CLIC5: variants seen among roughly 807,000 people sequenced by gnomAD.
The protein encoded by CLIC5 is chloride intracellular channel protein 5.
Under a neutral mutation model 24.7 loss-of-function variants are expected in CLIC5, and 20 were observed. The observed-to-expected ratio is 0.81, with a 90% confidence interval of 0.57 to 1.18. The LOEUF (loss-of-function observed/expected upper bound fraction) is 1.18. CLIC5 is among the 50% of genes most tolerant of loss of function. The pLI, the probability that CLIC5 is intolerant of heterozygous loss-of-function variation, is 0.00. For synonymous variants in CLIC5, 159 were observed against 135.6 expected, an observed-to-expected ratio of 1.17 and a Z score of -1.20; for missense variants, 341 against 326.1, an observed-to-expected ratio of 1.05 and a Z score of -0.35.
the CLIC5 span, among the ~76,000 whole-genome samples, chr6:46,116,399 T>A: frequency 6.6e-6 from 1 of 152,286 alleles, no homozygotes; most frequent in African/African-American, 2.4e-5. Context: ...GACCTGAATT[T>A]GAGTATTCAC....
chr6:45,972,625 T>A (rs1011093064), intron 1 of CLIC5, among the ~76,000 whole-genome samples: 1 of 152,188 alleles, frequency 6.6e-6, no homozygotes, highest in Non-Finnish European at 1.5e-5. Context: ...TAGGAGCTCA[T>A]TAGAAATGAA....
intron 4 of CLIC5, among the ~76,000 whole-genome samples, chr6:45,925,723 A>G (rs1763457985): frequency 6.6e-6 from 1 of 152,240 alleles, no homozygotes; most frequent in Non-Finnish European, 1.5e-5. Context: ...GAAGGACCCT[A>G]AAATCATGTG....
chr6:46,066,922 G>C (rs181530681), intron 1 of CLIC5, among the ~76,000 whole-genome samples: 2 of 152,238 alleles, frequency 1.3e-5, no homozygotes, highest in East Asian at 3.9e-4. Flanking sequence ...TCCTATTTGT[G>C]GAGAGCTCAG....
chr6:45,951,744 G>A (rs1446738882), intron 2 of CLIC5, among the ~76,000 whole-genome samples: 1 of 152,118 alleles, frequency 6.6e-6, no homozygotes, highest in African/African-American at 2.4e-5. Context: ...GGAGTCGGGA[G>A]TGGAAAACAT....
chr6:46,015,894 G>T, upstream of CLIC5: 1 of 1,024,626 alleles, frequency 9.8e-7, no homozygotes, highest in South Asian at 4.6e-5. Flanking sequence ...CAAAATAGCC[G>T]GCGGCTGCAG....
Position 45,949,276 on chromosome 6 carries a change from C to T in CLIC5, c.279G>A (p.Glu93=), listed in dbSNP as rs1252209132. ...TDVNKIEEFL[E]ETLTPEKYPK... is the part of the protein sequence containing the mutation. Reference sequence around the variant, plus strand: ...CTTACTTTTCAGGGGTCAAGGTCTCCTCCAGGAACTCCTCGATCTTATTGA... The same window carrying T: ...CTTACTTTTCAGGGGTCAAGGTCTCTTCCAGGAACTCCTCGATCTTATTGA... The change falls in exon 3 of 6, where the codon GAG becomes GAA. Residue 93 remains glutamate, a synonymous_variant. Transcript: ENST00000339561. 6.8e-6 allele frequency: 11 copies of T among 1,613,742 alleles called. No homozygotes were observed. Among genetic ancestry groups the T allele is most frequent in the Non-Finnish European group, 8.5e-6 (10 of 1,179,766 alleles).
intron 3 of CLIC5, among the ~76,000 whole-genome samples, chr6:45,947,468 A>G (rs1764325990): frequency 6.6e-6 from 1 of 151,190 alleles, no homozygotes; most frequent in African/African-American, 2.5e-5. Flanking sequence ...ATTGTACCCC[A>G]GCCCCTCACC....
At chr6:45,914,157 C>A (rs1045020326) in intron 5 of CLIC5, 71 bp downstream of exon 5, 1 of 1,320,428 alleles carries the variant, frequency 7.6e-7, no homozygotes, top group African/African-American at 1.5e-5. Context: ...GTCCTTGACT[C>A]ATCCACACAG....
At chr6:46,067,846 G>A (rs114089886) in intron 1 of CLIC5, among the ~76,000 whole-genome samples, 1 of 152,112 alleles carries the variant, frequency 6.6e-6, no homozygotes, top group Admixed American at 6.6e-5. Context: ...CATGTCTGGG[G>A]GTTCCCATTC....
chr6:45,936,609 C>T (rs1335418325), intron 4 of CLIC5, among the ~76,000 whole-genome samples: 1 of 152,080 alleles, frequency 6.6e-6, no homozygotes, highest in Non-Finnish European at 1.5e-5. Context: ...TGAGGCATTA[C>T]AGAGTTGAAG....
At chr6:45,963,665 T>G (rs551498636) in intron 1 of CLIC5, among the ~76,000 whole-genome samples, 53 of 150,768 alleles carry the variant, frequency 3.5e-4, no homozygotes, top group Non-Finnish European at 6.2e-4. Flanking sequence ...AAAAAAAAAG[T>G]AGAAAGGAAA....
chr6:45,963,552 G>C (rs1764921921), intron 1 of CLIC5, among the ~76,000 whole-genome samples: 1 of 151,820 alleles, frequency 6.6e-6, no homozygotes, highest in South Asian at 2.1e-4. Context: ...CTCCATGCTT[G>C]GTGCTCTTTG....
chr6:45,928,767 AGTGTGTGTGT>A (rs5875948), intron 4 of CLIC5, among the ~76,000 whole-genome samples: 5 of 144,088 alleles, frequency 3.5e-5, no homozygotes, highest in African/African-American at 1.4e-4. Context: ...GAAGTGCATA[AGTGTGTGTGT>A]GTGTGTGTGT....
chr6:45,948,248 A>G (rs1399480714), intron 3 of CLIC5, among the ~76,000 whole-genome samples: 1 of 152,124 alleles, frequency 6.6e-6, no homozygotes, highest in Admixed American at 6.5e-5. Flanking sequence ...AATCTCACTA[A>G]CTTTACTTAC....
chr6:45,912,713 T>C (rs1357166671), intron 5 of CLIC5: 5 of 1,535,372 alleles, frequency 3.3e-6, no homozygotes, highest in Non-Finnish European at 4.4e-6. Flanking sequence ...GCTGGAATTA[T>C]ATCATCCCTT....
At chr6:45,955,106 A>G in intron 2 of CLIC5, 29 bp downstream of exon 2, 1 of 1,532,420 alleles carries the variant, frequency 6.5e-7, no homozygotes, top group Non-Finnish European at 9.0e-7. Context: ...GCAGCTAAAC[A>G]TACTCCTCAT....
At chr6:45,997,299 A>T (rs1766181007) in intron 1 of CLIC5, among the ~76,000 whole-genome samples, 1 of 146,490 alleles carries the variant, frequency 6.8e-6, no homozygotes, top group Non-Finnish European at 1.5e-5. Flanking sequence ...GTGGGAATTG[A>T]ACAATGAGAT....
intron 1 of CLIC5, among the ~76,000 whole-genome samples, chr6:46,063,736 T>G (rs1167095568): frequency 6.6e-6 from 1 of 151,942 alleles, no homozygotes; most frequent in African/African-American, 2.4e-5. Flanking sequence ...GTAGGAAGAG[T>G]GGAAAGACCT....
At chr6:46,057,326 A>G (rs1228170467) in intron 1 of CLIC5, among the ~76,000 whole-genome samples, 3 of 152,126 alleles carry the variant, frequency 2.0e-5, no homozygotes, top group Non-Finnish European at 2.9e-5. Context: ...TTTATCAGGA[A>G]TTTCTGCTTT....
Sources: allele counts gnomAD v4.1 joint callset (sites outside exome capture counted in the v4.1 genomes callset), GRCh38; gene constraint gnomAD v4.1.1; transcripts MANE v1.5; gene names NCBI Gene and HGNC (gene_info 2026-07-23, HGNC 2026-07-21).